The following BCR variants were observed in gnomAD, a reference collection of about 807,000 sequenced individuals.
BCR encodes breakpoint cluster region protein.
Under a neutral mutation model 138.6 loss-of-function variants are expected in BCR, and 58 were observed. The observed-to-expected ratio is 0.42, with a 90% CI of 0.34 to 0.52. BCR has a LOEUF of 0.52. BCR is among the 20% of genes least tolerant of loss of function. The pLI is 0.06. For missense variants in BCR, 1,599 were observed against 1,727.2 expected, an observed-to-expected ratio of 0.93 and a Z score of 1.32; for synonymous variants, 786 against 730.1, an observed-to-expected ratio of 1.08 and a Z score of -1.23.
chr22:23,213,128 C>G, intron 1 of BCR, among the ~76,000 whole-genome samples: 1 of 152,210 alleles, frequency 6.6e-6, no homozygotes, highest in African/African-American at 2.4e-5. Context: ...ACCTGACTGT[C>G]TCCTTGCTTG....
chr22:23,210,375 C>CCA (rs1251704610), intron 1 of BCR, among the ~76,000 whole-genome samples: 1 of 151,176 alleles, frequency 6.6e-6, no homozygotes, highest in Non-Finnish European at 1.5e-5. Context: ...CACAATTGTG[C>CCA]CACTGTACTC....
At chr22:23,187,720 A>G (rs1454587961) in intron 1 of BCR, among the ~76,000 whole-genome samples, 11 of 152,200 alleles carry the variant, frequency 7.2e-5, no homozygotes, top group Admixed American at 7.2e-4. Context: ...TCTGCAATGC[A>G]TAATGATCAG....
At chr22:23,188,541 G>A (rs887450480) in intron 1 of BCR, among the ~76,000 whole-genome samples, 1 of 152,192 alleles carries the variant, frequency 6.6e-6, no homozygotes, top group Non-Finnish European at 1.5e-5. Context: ...AGTGCATGAG[G>A]CCCAGGCTGC....
intron 1 of BCR, among the ~76,000 whole-genome samples, chr22:23,249,281 AATT>A (rs1039206958): frequency 6.6e-6 from 1 of 151,906 alleles, no homozygotes; most frequent in Non-Finnish European, 1.5e-5. Context: ...TACAAAAAAA[AATT>A]AGCCAGGCGT....
chr22:23,260,291 A>G (rs917032981), intron 2 of BCR, among the ~76,000 whole-genome samples: 1 of 152,236 alleles, frequency 6.6e-6, no homozygotes, highest in African/African-American at 2.4e-5. Flanking sequence ...GTCATAGCCC[A>G]CATGTAAGAG....
intron 1 of BCR, among the ~76,000 whole-genome samples, chr22:23,193,824 T>C (rs369262154): frequency 1.3e-5 from 2 of 152,064 alleles, no homozygotes; most frequent in East Asian, 1.9e-4. Flanking sequence ...CTTAGCTGAG[T>C]GTTGGGAGGT....
chr22:23,297,014 C>T (rs147581585), intron 16 of BCR, among the ~76,000 whole-genome samples: 14 of 152,016 alleles, frequency 9.2e-5, no homozygotes, highest in Non-Finnish European at 1.9e-4. Context: ...TTCTTTTTTA[C>T]ACGTGCTTGC....
chr22:23,211,633 C>T lies in BCR; in HGVS notation c.1279+29394C>T, dbSNP rs150449759. ...CCGAGCAGCTGGGATTACAGGCGCCCACCACCACGCCTGGCTAGTTTTTTT... is the reference window on the plus strand; with the variant it reads ...CCGAGCAGCTGGGATTACAGGCGCCTACCACCACGCCTGGCTAGTTTTTTT... On this transcript the variant is annotated intron_variant, in intron 1 of 22. Transcript: ENST00000305877. Among the ~76,000 whole-genome samples the T allele has an allele frequency of 2.4e-3, 362 of 152,098 alleles. 4 individuals carry two copies. The East Asian group carries it at 0.039, about 16-fold the overall frequency.
intron 2 of BCR, among the ~76,000 whole-genome samples, chr22:23,260,077 G>A (rs905503950): frequency 6.6e-5 from 10 of 152,212 alleles, no homozygotes; most frequent in Non-Finnish European, 1.5e-4. Flanking sequence ...ACGTTCTAAG[G>A]TACTGGGGGT....
chr22:23,241,906 T>C (rs2073097122), intron 1 of BCR, among the ~76,000 whole-genome samples: 1 of 152,074 alleles, frequency 6.6e-6, no homozygotes, highest in African/African-American at 2.4e-5. Context: ...GCCTGAAGCC[T>C]GAGGCTCCCC....
chr22:23,225,762 T>C (rs1001826373), intron 1 of BCR, among the ~76,000 whole-genome samples: 1 of 152,210 alleles, frequency 6.6e-6, no homozygotes, highest in Non-Finnish European at 1.5e-5. Context: ...TCTTCTGTCA[T>C]TGGAAGGCAG....
intron 1 of BCR, among the ~76,000 whole-genome samples, chr22:23,218,243 G>A (rs1602026262): frequency 6.6e-6 from 1 of 152,210 alleles, no homozygotes; most frequent in South Asian, 2.1e-4. Flanking sequence ...CTGAGCCCCC[G>A]GAGCTGGGTA....
Position 23,287,201 on chromosome 22 carries a change from A to C in BCR, c.2449A>C (p.Lys817Gln). ...GSKATERLKK[K>Q]LSEQESLLLL... is the part of the protein sequence containing the mutation. ...CAAGGCTACGGAGAGGCTGAAGAAG[A>C]AGCTGTCGGAGCAGGAGTCACTGCT... Residue 817 changes from lysine (K) to glutamine (Q), a missense_variant, in exon 11 of 23, where the codon AAG (lysine) becomes CAG (glutamine). This residue lies in a region of BCR where 590 missense variants were observed against 762.4 expected (regional missense o/e 0.77). Transcript: ENST00000305877. 1.3e-6 allele frequency: 2 copies of C among 1,570,564 alleles called. No homozygotes were observed. The highest frequency in any genetic ancestry group is 1.7e-6 in the Non-Finnish European group (2 of 1,157,044).
At chr22:23,202,721 T>TTGTTTG (rs1555874549) in intron 1 of BCR, among the ~76,000 whole-genome samples, 1 of 142,754 alleles carries the variant, frequency 7.0e-6, no homozygotes, top group Non-Finnish European at 1.5e-5. Context: ...ATTCAATTGT[T>TTGTTTG]TGTGTGTGTG....
intron 1 of BCR, chr22:23,198,486 G>T (rs1054081304): frequency 2.2e-5 from 7 of 316,838 alleles, no homozygotes; most frequent in Admixed American, 2.0e-4. Flanking sequence ...CTTTGCAGGG[G>T]TCCAGTCCAT....
At chr22:23,203,180 A>G (rs1327662574) in intron 1 of BCR, among the ~76,000 whole-genome samples, 2 of 152,078 alleles carry the variant, frequency 1.3e-5, no homozygotes, top group Non-Finnish European at 2.9e-5. Context: ...ACCTTTTTAT[A>G]TGAGTTTCTG....
rs186932504 is a variant in BCR, at chr22:23,184,120, G to A, written c.1279+1881G>A. Among the ~76,000 whole-genome samples, 196 of 152,220 alleles carry A rather than the reference G, an allele frequency of 1.3e-3. 1 individual carries two copies. Among genetic ancestry groups the A allele is most frequent in the African/African-American group, 4.6e-3 (191 of 41,526 alleles). On this transcript the variant is annotated intron_variant, in intron 1 of 22. Coordinates refer to ENST00000305877, the MANE Select transcript of BCR (RefSeq NM_004327.4). ...TTTTGTTTTTAAGAGACAGCGTCTG[G>A]CTCTGCCATCCAGGTTGGAATGCAG...
chr22:23,253,053 A>G (rs2073249393), intron 1 of BCR, among the ~76,000 whole-genome samples: 1 of 152,152 alleles, frequency 6.6e-6, no homozygotes, highest in Admixed American at 6.5e-5. Flanking sequence ...GAGTTTGATC[A>G]CTTGCTGGAA....
chr22:23,267,905 C>T (rs2146283825), intron 4 of BCR, among the ~76,000 whole-genome samples: 2 of 152,366 alleles, frequency 1.3e-5, no homozygotes, highest in Middle Eastern at 6.8e-3. Context: ...GGGCTTGTGT[C>T]TGTGCAGTGG....
Sources: gnomAD v4.1 joint callset for allele counts (sites outside exome capture counted in the v4.1 genomes callset) on GRCh38, gnomAD v4.1.1 for gene constraint, gnomAD v4.1.1 regional missense constraint, MANE v1.5 for transcripts, NCBI Gene and HGNC (gene_info 2026-07-23, HGNC 2026-07-21) for gene names.